Variants in SDCCAG8 observed in about 807,000 individuals in gnomAD.
SDCCAG8 encodes serologically defined colon cancer antigen 8.
A neutral mutation model predicts 101.8 loss-of-function variants in SDCCAG8; 74 were observed. The observed-to-expected ratio is 0.73, with a 90% confidence interval of 0.60 to 0.88. The LOEUF is 0.88. Among genes scored for constraint, SDCCAG8 ranks in the 40% least tolerant of loss-of-function variants. SDCCAG8 has a pLI of 0.00. For synonymous variants in SDCCAG8, 281 were observed against 292.9 expected (o/e 0.96, Z 0.41); for missense variants, 787 against 822.6 (o/e 0.96, Z 0.53).
At chr1:243,337,923 G>T (rs1017170637) in intron 10 of SDCCAG8, among the ~76,000 whole-genome samples, 1 of 152,042 alleles carries the variant, frequency 6.6e-6, no homozygotes, top group Admixed American at 6.6e-5. Context: ...TTCTCTAGGG[G>T]ATTTAATTAT....
At chr1:243,353,361 C>T (rs1042196122) in intron 12 of SDCCAG8, among the ~76,000 whole-genome samples, 14 of 151,242 alleles carry the variant, frequency 9.3e-5, no homozygotes, top group South Asian at 4.2e-4. Context: ...TGTGGTGGCG[C>T]GCGCCTGTAA....
chr1:243,400,721 G>A (rs1275956999), intron 13 of SDCCAG8, among the ~76,000 whole-genome samples: 1 of 152,068 alleles, frequency 6.6e-6, no homozygotes, highest in Non-Finnish European at 1.5e-5. Flanking sequence ...TAACTAGATT[G>A]CCAGTCAGTT....
intron 13 of SDCCAG8, among the ~76,000 whole-genome samples, chr1:243,412,928 A>G (rs575007871): frequency 1.2e-4 from 18 of 152,202 alleles, no homozygotes; most frequent in Admixed American, 1.0e-3. Flanking sequence ...GGGAATTTAT[A>G]AAAAGCCTAC....
intron 16 of SDCCAG8, among the ~76,000 whole-genome samples, chr1:243,438,516 T>TTGTGTGTGTG (rs147959124): frequency 0.012 from 1,717 of 146,494 alleles, 13 homozygotes; most frequent in Middle Eastern, 0.025. Flanking sequence ...GTGGGAGTGA[T>TTGTGTGTGTG]TGTGTGTGTG....
At chr1:243,432,213 C>A (rs2081826260) in intron 16 of SDCCAG8, among the ~76,000 whole-genome samples, 1 of 152,076 alleles carries the variant, frequency 6.6e-6, no homozygotes, top group Non-Finnish European at 1.5e-5. Context: ...AATTTAAAAA[C>A]AAAAAGAGTC....
At chr1:243,429,695 A>ATTTTTTT (rs796450909) in intron 16 of SDCCAG8, among the ~76,000 whole-genome samples, 2 of 92,938 alleles carry the variant, frequency 2.2e-5, no homozygotes, top group Non-Finnish European at 4.0e-5. Context: ...TGCTCTGCTA[A>ATTTTTTT]TTTTTTTTTT....
intron 5 of SDCCAG8, among the ~76,000 whole-genome samples, chr1:243,291,324 A>T (rs2070240068): frequency 6.6e-6 from 1 of 152,218 alleles, no homozygotes; most frequent in African/African-American, 2.4e-5. Context: ...GGTACACTAA[A>T]TTCAACTCAG....
intron 3 of SDCCAG8, among the ~76,000 whole-genome samples, chr1:243,271,374 T>C (rs2068069360): frequency 6.7e-6 from 1 of 148,956 alleles, no homozygotes; most frequent in Non-Finnish European, 1.5e-5. Context: ...TATAATAAAT[T>C]ATATGTCAGA....
chr1:243,358,706 GTCTA>G (rs1421104303), intron 12 of SDCCAG8, among the ~76,000 whole-genome samples: 2 of 152,058 alleles, frequency 1.3e-5, no homozygotes, highest in Non-Finnish European at 2.9e-5. Context: ...TACCCCAAAT[GTCTA>G]TCAACTGATG....
chr1:243,341,192 G>C lies in SDCCAG8; in HGVS notation c.1356+19G>C. On this transcript the variant is annotated intron_variant, in intron 11 of 17. Coordinates refer to ENST00000366541, the MANE Select transcript of SDCCAG8 (RefSeq NM_006642.5). ...CACAAAGGTACAGAAAGAGATTTTA[G>C]TGTAATCGTTACTTAAGGAAATATT... The C allele has an allele frequency of 6.2e-7, 1 of 1,613,230 alleles. No individual in the cohort carries two copies. The highest frequency in any genetic ancestry group is 1.1e-5 in the South Asian group (1 of 91,066).
intron 13 of SDCCAG8, among the ~76,000 whole-genome samples, chr1:243,384,774 C>T (rs2078171868): frequency 6.6e-6 from 1 of 151,750 alleles, no homozygotes; most frequent in South Asian, 2.1e-4. Context: ...ATGACCGCAT[C>T]TCTGGGGGAA....
At chr1:243,309,866 T>G (rs1407592212) in intron 8 of SDCCAG8, among the ~76,000 whole-genome samples, 3 of 139,268 alleles carry the variant, frequency 2.2e-5, no homozygotes, top group Admixed American at 2.1e-4. Context: ...TGTTTGTTTG[T>G]TTTGTTTTTG....
intron 13 of SDCCAG8, among the ~76,000 whole-genome samples, chr1:243,396,467 T>C (rs1053334701): frequency 6.6e-6 from 1 of 152,194 alleles, no homozygotes; most frequent in Admixed American, 6.5e-5. Flanking sequence ...AATGGAGCTG[T>C]GTGTTAATAT....
At chr1:243,478,491 G>C (rs1352830248) in intron 16 of SDCCAG8, among the ~76,000 whole-genome samples, 1 of 152,140 alleles carries the variant, frequency 6.6e-6, no homozygotes, top group Non-Finnish European at 1.5e-5. Context: ...TCCTCTGCAG[G>C]CAGCCAAGGC....
chr1:243,495,411 T>C (rs1480875132), intron 17 of SDCCAG8, among the ~76,000 whole-genome samples: 1 of 152,026 alleles, frequency 6.6e-6, no homozygotes, highest in Non-Finnish European at 1.5e-5. Flanking sequence ...AGCCCTGCGG[T>C]GGAAGGGAAG....
chr1:243,286,363 A>G lies in SDCCAG8; in HGVS notation c.512A>G (p.Glu171Gly). 6.2e-7 allele frequency: 1 copy of G among 1,614,028 alleles called. No homozygotes were observed. Among genetic ancestry groups the G allele is most frequent in the Non-Finnish European group, 8.5e-7 (1 of 1,179,876 alleles). Residue 171 changes from glutamate to glycine, a missense_variant, in exon 5 of 18, where the codon GAG (glutamate) becomes GGG (glycine). Glu to Gly is a moderately conservative substitution (Grantham distance 98). Coordinates refer to ENST00000366541, the MANE Select transcript of SDCCAG8 (RefSeq NM_006642.5). ...QQQLKSQRQE[E>G]TLREQTLLDA... ...CAGCTAAAATCTCAAAGACAAGAGG[A>G]GACACTGAGGGAACAAACACTTCTG...
chr1:243,453,295 C>A (rs1286330735), intron 16 of SDCCAG8, among the ~76,000 whole-genome samples: 1 of 152,160 alleles, frequency 6.6e-6, no homozygotes, highest in Non-Finnish European at 1.5e-5. Flanking sequence ...TTACACTCTT[C>A]TTGGTGGGCT....
chr1:243,365,578 A>T (rs1170731796), intron 12 of SDCCAG8, among the ~76,000 whole-genome samples: 4 of 152,298 alleles, frequency 2.6e-5, no homozygotes, highest in Non-Finnish European at 5.9e-5. Context: ...GAAAAGTAAT[A>T]AAAATGTGTA....
chr1:243,377,530 TTATTA>T (rs954358797), intron 12 of SDCCAG8, among the ~76,000 whole-genome samples: 1 of 151,994 alleles, frequency 6.6e-6, no homozygotes, highest in African/African-American at 2.4e-5. Flanking sequence ...CTGTACTAAG[TTATTA>T]TATTGTTGGT....
Sources: gnomAD v4.1 joint callset for allele counts (sites outside exome capture counted in the v4.1 genomes callset) on GRCh38, gnomAD v4.1.1 for gene constraint, MANE v1.5 for transcripts, NCBI Gene and HGNC (gene_info 2026-07-23, HGNC 2026-07-21) for gene names.